The following NRXN3 variants were observed in gnomAD, a reference collection of about 807,000 sequenced individuals.
NRXN3 encodes the protein neurexin 3.
In NRXN3, 32 loss-of-function variants were observed where a neutral mutation model predicts 137.6. That is an observed-to-expected ratio of 0.23 (90% CI 0.18 to 0.31). The LOEUF (loss-of-function observed/expected upper bound fraction) is 0.31, where lower values mean the gene tolerates loss of function less well. Ranked by LOEUF, NRXN3 falls within the 10% of genes least tolerant of loss-of-function variation. NRXN3 has a pLI of 1.00. For synonymous variants in NRXN3, 798 were observed against 784.5 expected (o/e 1.02, Z -0.29); for missense variants, 1,574 against 2,062.5 (o/e 0.76, Z 4.59).
In NRXN3 at chr14:78,568,961, GTTTTTTT is replaced by G. The variant is rs34485878; in HGVS notation, c.758-76141_758-76135del. Among the ~76,000 whole-genome samples, 66 of 103,748 alleles carry G rather than the reference GTTTTTTT, an allele frequency of 6.4e-4. 2 individuals carry two copies. The highest frequency in any genetic ancestry group is 2.6e-3 in the African/African-American group (63 of 24,456). 68.1% of individuals were successfully genotyped at this position (103,748 alleles called of 152,430 possible). A position where few individuals can be genotyped will look rare whatever the true frequency, so the allele number is the denominator to read the frequency against. ...TGTGGTGGGAAATATGACTTTGCAG[GTTTTTTT>G]TTTTTTTTTTTTTTTTTGAGACAGG... On this transcript the variant is annotated intron_variant, in intron 4 of 20. Coordinates refer to ENST00000335750, the MANE Select transcript of NRXN3 (RefSeq NM_001330195.2).
chr14:79,650,522 C>T (rs1383150442), intron 16 of NRXN3, among the ~76,000 whole-genome samples: 1 of 152,110 alleles, frequency 6.6e-6, no homozygotes, highest in African/African-American at 2.4e-5. Context: ...GTATTTGTGG[C>T]TTTCCCCAAA....
At chr14:78,330,777 CTAAT>C (rs1241139861) in intron 4 of NRXN3, among the ~76,000 whole-genome samples, 1 of 152,152 alleles carries the variant, frequency 6.6e-6, no homozygotes, top group East Asian at 1.9e-4. Context: ...TTTATATTAA[CTAAT>C]TAAAATCTTT....
At chr14:79,530,611 T>G (rs1031995424) in intron 16 of NRXN3, among the ~76,000 whole-genome samples, 4 of 151,834 alleles carry the variant, frequency 2.6e-5, no homozygotes, top group Non-Finnish European at 5.9e-5. Flanking sequence ...TTTTTCCTTT[T>G]TCTTTTGTCT....
At chr14:79,118,743 G>A (rs993158165) in intron 15 of NRXN3, among the ~76,000 whole-genome samples, 2 of 145,854 alleles carry the variant, frequency 1.4e-5, no homozygotes, top group African/African-American at 2.6e-5. Flanking sequence ...GTGGGAAAGT[G>A]TGTATATAAT....
chr14:78,524,353 A>G (rs1020925975), intron 4 of NRXN3, among the ~76,000 whole-genome samples: 10 of 152,228 alleles, frequency 6.6e-5, no homozygotes, highest in African/African-American at 2.4e-4. Context: ...ATTTTGCAAG[A>G]AGTCATTCTA....
At chr14:78,509,286 G>A (rs1026423452) in intron 4 of NRXN3, among the ~76,000 whole-genome samples, 10 of 152,248 alleles carry the variant, frequency 6.6e-5, no homozygotes, top group African/African-American at 2.2e-4. Context: ...GCAACAGAGC[G>A]AGACCCCATC....
intron 15 of NRXN3, among the ~76,000 whole-genome samples, chr14:79,137,104 C>T (rs572613756): frequency 7.9e-5 from 12 of 152,296 alleles, no homozygotes; most frequent in Admixed American, 3.9e-4. Context: ...TCTTTTGTTT[C>T]TATATGTCCT....
intron 2 of NRXN3, among the ~76,000 whole-genome samples, chr14:78,274,659 T>C (rs187024068): frequency 6.6e-5 from 10 of 152,318 alleles, no homozygotes; most frequent in Admixed American, 5.9e-4. Context: ...GCTGAAGTTA[T>C]TGTTGAATAT....
intron 15 of NRXN3, among the ~76,000 whole-genome samples, chr14:79,242,971 AAAAC>A (rs2074545610): frequency 6.6e-6 from 1 of 152,208 alleles, no homozygotes; most frequent in African/African-American, 2.4e-5. Context: ...TTCACTGAGA[AAAAC>A]AAAATCCCAG....
At chr14:78,685,715 C>G (rs2152755176) in intron 6 of NRXN3, among the ~76,000 whole-genome samples, 1 of 150,268 alleles carries the variant, frequency 6.7e-6, no homozygotes, top group Non-Finnish European at 1.5e-5. Flanking sequence ...CCACCACAAC[C>G]TCCACCTCCT....
intron 15 of NRXN3, among the ~76,000 whole-genome samples, chr14:79,116,138 A>G (rs2054396187): frequency 1.3e-5 from 2 of 152,176 alleles, no homozygotes; most frequent in Non-Finnish European, 2.9e-5. Context: ...GGTTCTCAGA[A>G]CCTGGTCTTC....
intron 16 of NRXN3, among the ~76,000 whole-genome samples, chr14:79,510,090 C>T (rs2096918070): frequency 6.6e-6 from 1 of 152,136 alleles, no homozygotes; most frequent in Admixed American, 6.6e-5. Context: ...AAACACGTGC[C>T]ATTAGAAAGC....
intron 16 of NRXN3, among the ~76,000 whole-genome samples, chr14:79,561,019 G>A (rs889038509): frequency 6.6e-6 from 1 of 152,108 alleles, no homozygotes; most frequent in Non-Finnish European, 1.5e-5. Context: ...GACTGTATTT[G>A]TCTTCTCTTT....
In NRXN3 at chr14:79,566,786, T is replaced by C. The variant is rs190908881; in HGVS notation, c.3445-96992T>C. 1.4e-4 allele frequency among the ~76,000 whole-genome samples: 21 copies of C among 151,966 alleles called. No individual in the cohort carries two copies. The East Asian group carries it at 4.1e-3, about 29-fold the overall frequency. Reference sequence around the variant, plus strand: ...ATAACCCTCAATGATCTGTAAAAAATCACTTAGTTGGAACACTTTGTTCAT... The same window carrying C: ...ATAACCCTCAATGATCTGTAAAAAACCACTTAGTTGGAACACTTTGTTCAT... On this transcript the variant is annotated intron_variant, in intron 16 of 20. Transcript: ENST00000335750.
intron 15 of NRXN3, among the ~76,000 whole-genome samples, chr14:79,033,109 C>T (rs1273413319): frequency 1.3e-5 from 2 of 152,114 alleles, no homozygotes; most frequent in African/African-American, 4.8e-5. Context: ...GTCCCCATCA[C>T]TAGACTGACT....
chr14:79,056,365 T>C (rs914358249), intron 15 of NRXN3, among the ~76,000 whole-genome samples: 19 of 151,778 alleles, frequency 1.3e-4, no homozygotes, highest in African/African-American at 4.6e-4. Flanking sequence ...AAACATAACT[T>C]ACCATTCATC....
chr14:78,225,980 T>TGTTGGG (rs1555412877), intron 1 of NRXN3, among the ~76,000 whole-genome samples: 10 of 133,796 alleles, frequency 7.5e-5, no homozygotes, highest in African/African-American at 2.7e-4. Context: ...TGTTGGTGTG[T>TGTTGGG]GTGTGTGTGT....
At chr14:79,692,720 A>T (rs1426737928) in intron 18 of NRXN3, among the ~76,000 whole-genome samples, 1 of 152,048 alleles carries the variant, frequency 6.6e-6, no homozygotes, top group Admixed American at 6.6e-5. Flanking sequence ...ACAAAAAACC[A>T]TAGATTGACT....
At chr14:79,704,996 G>A (rs2098771406) in intron 19 of NRXN3, among the ~76,000 whole-genome samples, 1 of 152,136 alleles carries the variant, frequency 6.6e-6, no homozygotes, top group Admixed American at 6.6e-5. Context: ...GATGGAACAG[G>A]TGCTTTCCAA....
Sources: allele counts gnomAD v4.1 joint callset (sites outside exome capture counted in the v4.1 genomes callset), GRCh38; gene constraint gnomAD v4.1.1; transcripts MANE v1.5; gene names NCBI Gene and HGNC (gene_info 2026-07-23, HGNC 2026-07-21).